Variants in CNTN4 observed in about 807,000 individuals in gnomAD.
CNTN4 encodes contactin 4.
CNTN4 carries 77 observed loss-of-function variants against 122.5 expected under a neutral mutation model. The ratio of observed to expected loss-of-function variants is 0.63; its 90% CI spans 0.52 to 0.76. The LOEUF (loss-of-function observed/expected upper bound fraction) is 0.76. CNTN4 is among the 30% of genes least tolerant of loss of function. The pLI is 0.00. For missense variants in CNTN4, 1,256 were observed against 1,259.1 expected, an observed-to-expected ratio of 1.00 and a Z score of 0.04; for synonymous variants, 512 against 447.0, an observed-to-expected ratio of 1.15 and a Z score of -1.83.
At chr3:2,796,947 G>T (rs1187643842) in intron 6 of CNTN4, among the ~76,000 whole-genome samples, 1 of 152,060 alleles carries the variant, frequency 6.6e-6, no homozygotes, top group Non-Finnish European at 1.5e-5. Flanking sequence ...AGCCCTTGTT[G>T]CTTATAAGAG....
chr3:2,218,331 A>G (rs1433846995), intron 2 of CNTN4, among the ~76,000 whole-genome samples: 3 of 152,164 alleles, frequency 2.0e-5, no homozygotes, highest in Admixed American at 1.3e-4. Flanking sequence ...AATTGCAAAC[A>G]TGTATATACT....
intron 6 of CNTN4, among the ~76,000 whole-genome samples, chr3:2,789,703 T>C (rs4458358): frequency 0.52 from 79,666 of 152,168 alleles, 20,913 homozygotes; most frequent in East Asian, 0.6. Flanking sequence ...AGTGCTATGA[T>C]GGCAGGCGTG....
intron 3 of CNTN4, among the ~76,000 whole-genome samples, chr3:2,406,289 C>T (rs1264044671): frequency 6.6e-6 from 1 of 152,188 alleles, no homozygotes; most frequent in African/African-American, 2.4e-5. Flanking sequence ...GTACCCCTGA[C>T]ATGACACAGT....
chr3:2,847,298 A>G (rs1041621080), intron 7 of CNTN4, among the ~76,000 whole-genome samples: 2 of 151,992 alleles, frequency 1.3e-5, no homozygotes, highest in African/African-American at 4.8e-5. Flanking sequence ...GACTGAGATC[A>G]CCCCTTGCTC....
At chr3:2,808,744 A>C (rs1016509338) in intron 6 of CNTN4, among the ~76,000 whole-genome samples, 4 of 152,060 alleles carry the variant, frequency 2.6e-5, no homozygotes, top group Non-Finnish European at 4.4e-5. Flanking sequence ...TCCAATTTTA[A>C]TTTATCTCTT....
chr3:2,276,571 C>T (rs1183665412), intron 2 of CNTN4, among the ~76,000 whole-genome samples: 1 of 152,124 alleles, frequency 6.6e-6, no homozygotes, highest in Non-Finnish European at 1.5e-5. Context: ...TTTAGGATCT[C>T]TGTGGCATAG....
At chr3:2,357,591 T>G (rs1024914251) in intron 3 of CNTN4, among the ~76,000 whole-genome samples, 1 of 152,208 alleles carries the variant, frequency 6.6e-6, no homozygotes, top group Non-Finnish European at 1.5e-5. Context: ...GCAGAGAGAT[T>G]GTTGATTGAT....
intron 3 of CNTN4, among the ~76,000 whole-genome samples, chr3:2,538,406 A>T (rs2077895560): frequency 6.6e-6 from 1 of 152,030 alleles, no homozygotes; most frequent in African/African-American, 2.4e-5. Context: ...CATTTCATAA[A>T]CTATTCTTTA....
chr3:2,265,558 C>T (rs368640158), intron 2 of CNTN4, among the ~76,000 whole-genome samples: 31 of 151,904 alleles, frequency 2.0e-4, no homozygotes, highest in African/African-American at 5.3e-4. Context: ...AGGTCTTTTG[C>T]GATTCTATAG....
intron 3 of CNTN4, among the ~76,000 whole-genome samples, chr3:2,351,718 C>T (rs1264506727): frequency 6.6e-6 from 1 of 150,608 alleles, no homozygotes; most frequent in Non-Finnish European, 1.5e-5. Context: ...CAACAAACTC[C>T]AGAAAGCAAA....
chr3:2,717,451 A>G (rs552268892), intron 4 of CNTN4, among the ~76,000 whole-genome samples: 66 of 152,252 alleles, frequency 4.3e-4, no homozygotes, highest in African/African-American at 1.6e-3. Context: ...TTGCTGTTTT[A>G]TGTGCATCTC....
intron 3 of CNTN4, among the ~76,000 whole-genome samples, chr3:2,476,968 G>A (rs1382271456): frequency 2.6e-5 from 4 of 152,126 alleles, no homozygotes; most frequent in Non-Finnish European, 5.9e-5. Context: ...CTACTTTTTG[G>A]ATGACAACAT....
chr3:2,206,105 C>G (rs62247009), intron 2 of CNTN4, among the ~76,000 whole-genome samples: 3,423 of 152,096 alleles, frequency 0.023, 52 homozygotes, highest in Non-Finnish European at 0.038. Flanking sequence ...CTTTTTCCTT[C>G]CATGGACCTT....
chr3:2,471,104 A>C (rs1372648444), intron 3 of CNTN4, among the ~76,000 whole-genome samples: 1 of 152,128 alleles, frequency 6.6e-6, no homozygotes, highest in Admixed American at 6.5e-5. Flanking sequence ...AATCATTGTG[A>C]GTCAAAGAAA....
chr3:2,485,588 T>C (rs1216443436), intron 3 of CNTN4, among the ~76,000 whole-genome samples: 2 of 151,986 alleles, frequency 1.3e-5, no homozygotes, highest in Admixed American at 6.6e-5. Flanking sequence ...GGTTTGTAAA[T>C]GCACCAATCA....
intron 3 of CNTN4, among the ~76,000 whole-genome samples, chr3:2,532,340 A>G (rs2077627366): frequency 6.6e-6 from 1 of 151,974 alleles, no homozygotes. Context: ...TACAGCCTTA[A>G]TCTCCCTGGG....
At chr3:2,561,575 T>C (rs531175815) in intron 3 of CNTN4, among the ~76,000 whole-genome samples, 1 of 152,206 alleles carries the variant, frequency 6.6e-6, no homozygotes, top group South Asian at 2.1e-4. Flanking sequence ...TTGCCCCTCT[T>C]GTTTTTTCCA....
intron 13 of CNTN4, among the ~76,000 whole-genome samples, chr3:2,984,975 C>T (rs1360250889): frequency 6.6e-6 from 1 of 152,222 alleles, no homozygotes; most frequent in African/African-American, 2.4e-5. Flanking sequence ...TTGTTCACCA[C>T]TCTGTTTTTG....
At chr3:2,672,399 A>G (rs139470333) in intron 4 of CNTN4, among the ~76,000 whole-genome samples, 1 of 152,198 alleles carries the variant, frequency 6.6e-6, no homozygotes, top group African/African-American at 2.4e-5. Context: ...CCATGGATGT[A>G]GGACCCTCCG....
Sources: allele counts gnomAD v4.1 joint callset (sites outside exome capture counted in the v4.1 genomes callset), GRCh38; gene constraint gnomAD v4.1.1; transcripts MANE v1.5; gene names NCBI Gene and HGNC (gene_info 2026-07-23, HGNC 2026-07-21).